Variants in TCF12 observed in about 807,000 individuals in gnomAD.
The protein encoded by TCF12 is DNA-binding protein HTF4.
TCF12 carries 45 observed loss-of-function variants against 86.0 expected under a neutral mutation model. The ratio of observed to expected loss-of-function variants is 0.52; its 90% confidence interval spans 0.41 to 0.67. The LOEUF (loss-of-function observed/expected upper bound fraction) is 0.67, where lower values mean the gene tolerates loss of function less well. Ranked by LOEUF, TCF12 falls within the 30% of genes least tolerant of loss-of-function variation. TCF12 has a pLI of 0.00. For synonymous variants in TCF12, 330 were observed against 299.6 expected, an observed-to-expected ratio of 1.10 and a Z score of -1.05; for missense variants, 881 against 859.9, an observed-to-expected ratio of 1.02 and a Z score of -0.31.
At chr15:56,995,328 A>G (rs1457671061) in intron 3 of TCF12, among the ~76,000 whole-genome samples, 1 of 112,280 alleles carries the variant, frequency 8.9e-6, no homozygotes, top group African/African-American at 3.5e-5. Context: ...GTTTTTTTCT[A>G]GTTCTGTGAG....
intron 8 of TCF12, among the ~76,000 whole-genome samples, chr15:57,222,788 TTTTTTTA>T (rs1173682733): frequency 3.7e-4 from 34 of 92,776 alleles, no homozygotes; most frequent in Admixed American, 7.2e-4. Context: ...TTTTTTTTTT[TTTTTTTA>T]CTTTTAAGAT....
At chr15:57,240,073 A>G (rs1331123425) in intron 12 of TCF12, among the ~76,000 whole-genome samples, 4 of 152,200 alleles carry the variant, frequency 2.6e-5, no homozygotes, top group African/African-American at 9.6e-5. Context: ...GAAGAGTAAA[A>G]TAGAGATGGA....
At chr15:57,122,445 A>T (rs376347607) in intron 5 of TCF12, among the ~76,000 whole-genome samples, 3 of 152,292 alleles carry the variant, frequency 2.0e-5, no homozygotes. Flanking sequence ...GCATTGTAAG[A>T]AGTGTTTATA....
At position 57,185,609 on chromosome 15, in the gene TCF12, C is replaced by A. The variant is rs115357746; in HGVS notation, c.391-6549C>A. ...ATCAAAATTGGTTCTTTAAAAATAT[C>A]AACAAGGTGACTCACACCTTAATTC... On this transcript the variant is annotated intron_variant, in intron 6 of 20. Coordinates refer to ENST00000333725, the MANE Select transcript of TCF12 (RefSeq NM_207037.2). 3.8e-3 allele frequency among the ~76,000 whole-genome samples: 576 copies of A among 152,214 alleles called. 4 individuals carry two copies. The highest frequency in any genetic ancestry group is 0.014 in the African/African-American group (562 of 41,536).
At chr15:57,144,478 A>G (rs1198539897) in intron 5 of TCF12, among the ~76,000 whole-genome samples, 1 of 152,246 alleles carries the variant, frequency 6.6e-6, no homozygotes, top group Non-Finnish European at 1.5e-5. Context: ...TTAATTACAT[A>G]AATTACTTAG....
chr15:57,263,127 A>T lies in TCF12; in HGVS notation c.1598A>T (p.Gln533Leu), dbSNP rs2060666200. ...TCTTTGTTAGGTGGCTTGCAAAGTC[A>T]GTCTGGAACTGTTGTTACAACAGAA... ...QENYRGGLQS[Q>L]SGTVVTTEIK... Residue 533 changes from glutamine (Q) to leucine (L), a missense_variant, in exon 18 of 21, where the codon CAG (glutamine) becomes CTG (leucine). Transcript: ENST00000333725. The T allele has an allele frequency of 6.3e-7, 1 of 1,595,734 alleles. No homozygotes were observed. Among genetic ancestry groups the T allele is most frequent in the Non-Finnish European group, 8.5e-7 (1 of 1,175,862 alleles).
chr15:57,221,455 A>C (rs1260362617), intron 8 of TCF12, among the ~76,000 whole-genome samples: 1 of 150,706 alleles, frequency 6.6e-6, no homozygotes, highest in East Asian at 1.9e-4. Flanking sequence ...AGGACCCTGA[A>C]CCAGACTAAC....
intron 8 of TCF12, among the ~76,000 whole-genome samples, chr15:57,227,900 G>T (rs979101698): frequency 1.3e-5 from 2 of 151,900 alleles, no homozygotes. Context: ...TTGACTCCTG[G>T]TAGATTTTAA....
At position 56,998,924 on chromosome 15, in the gene TCF12, C is replaced by T. The variant is rs565131510; in HGVS notation, c.149-64826C>T. ...TACTTAGAAATTAGACATGGCTGGG[C>T]GCGGTGGCTCATGCCTGTAATCCTA... On this transcript the variant is annotated intron_variant, in intron 3 of 20. Transcript: ENST00000333725. Among the ~76,000 whole-genome samples the T allele has an allele frequency of 2.6e-5, 4 of 152,142 alleles. No homozygotes were observed. The East Asian group carries it at 5.8e-4, about 22-fold the overall frequency.
intron 8 of TCF12, among the ~76,000 whole-genome samples, chr15:57,230,419 G>A (rs1484977919): frequency 6.6e-6 from 1 of 151,906 alleles, no homozygotes; most frequent in Admixed American, 6.6e-5. Context: ...GATCATTAAG[G>A]TTATTTGGCT....
chr15:57,119,064 A>C (rs1393866689), intron 5 of TCF12, among the ~76,000 whole-genome samples: 1 of 152,010 alleles, frequency 6.6e-6, no homozygotes, highest in Non-Finnish European at 1.5e-5. Flanking sequence ...ATGAAGGGCT[A>C]TTTATTTCAT....
In TCF12 at chr15:57,056,497, C is replaced by G. The variant is rs188139492; in HGVS notation, c.149-7253C>G. Among the ~76,000 whole-genome samples, 75 of 152,122 alleles carry G rather than the reference C, an allele frequency of 4.9e-4. 1 individual carries two copies. In the East Asian group the frequency reaches 0.013, roughly 26 times the overall value. On this transcript the variant is annotated intron_variant, in intron 3 of 20. Transcript: ENST00000333725. ...TTTATGAGAGAGAATCTCGTTCTGT[C>G]ACCAAAGCTGGAGTGCAGTGATGCA...
intron 3 of TCF12, among the ~76,000 whole-genome samples, chr15:56,951,108 T>A (rs546047677): frequency 6.6e-6 from 1 of 152,210 alleles, no homozygotes; most frequent in Admixed American, 6.5e-5. Flanking sequence ...ATGGTAGATA[T>A]ATCTTCAACT....
At chr15:56,978,016 G>C (rs1355099696) in intron 3 of TCF12, among the ~76,000 whole-genome samples, 1 of 152,104 alleles carries the variant, frequency 6.6e-6, no homozygotes, top group African/African-American at 2.4e-5. Flanking sequence ...AATTAAAAAA[G>C]ATAAAATATG....
rs780356128 is a variant in TCF12 at position 57,232,846 on chromosome 15, C to G, written c.960C>G (p.Asp320Glu). 2.6e-5 allele frequency: 42 copies of G among 1,590,838 alleles called. 1 individual carries two copies. In the South Asian group the frequency reaches 4.7e-4, roughly 18 times the overall value. The change falls in exon 11 of 21, where the codon GAC (aspartate) becomes GAG (glutamate). Residue 320 changes from aspartate (D) to glutamate (E), a missense_variant. Asp to Glu is a conservative substitution (Grantham distance 45). Around this residue, in one of 3 missense-constraint regions of TCF12, gnomAD observed 766 missense variants for 718.9 expected, o/e 1.07. Coordinates refer to ENST00000333725, the MANE Select transcript of TCF12 (RefSeq NM_207037.2). ...ASHTPPINGS[D>E]SILGTRGNAA... ...ACACTCCTCCCATCAATGGATCAGA[C>G]AGCATTCTAGGTGAGCTTTTTGAGT...
intron 4 of TCF12, among the ~76,000 whole-genome samples, chr15:57,087,896 C>A (rs890851526): frequency 4.6e-5 from 7 of 152,108 alleles, no homozygotes; most frequent in Non-Finnish European, 1.0e-4. Context: ...TGTATGTCAT[C>A]TCATGTATTA....
chr15:57,262,178 C>G lies in TCF12; in HGVS notation c.1552C>G (p.Leu518Val), dbSNP rs2093041674. The G allele has an allele frequency of 1.2e-6, 2 of 1,612,888 alleles. No homozygotes were observed. The highest frequency in any genetic ancestry group is 1.3e-5 in the African/African-American group (1 of 74,850). ...TACAGTCACTACTTCAAGCACAGACCTGAACCATAAAACACAAGAAAATTA... is the reference window on the plus strand; with the variant it reads ...TACAGTCACTACTTCAAGCACAGACGTGAACCATAAAACACAAGAAAATTA... ...SSTVTTSSTD[L>V]NHKTQENYRG... is the part of the protein sequence containing the mutation. The change falls in exon 17 of 21, where the codon CTG (leucine) becomes GTG (valine). Residue 518 changes from leucine to valine, a missense_variant. Physicochemically the swap from Leu to Val is conservative, Grantham distance 32 (BLOSUM62 1). Coordinates refer to ENST00000333725, the MANE Select transcript of TCF12 (RefSeq NM_207037.2).
Position 57,243,569 on chromosome 15 carries a change from T to G in TCF12, c.1114+19T>G, listed in dbSNP as rs771030291. On this transcript the variant is annotated intron_variant, in intron 13 of 20. Transcript: ENST00000333725. ...CTCACAGGTAGGCTTCTGTTTTATC[T>G]ACTTCTAACTGGTGGGACTACTTGG... The G allele has an allele frequency of 6.3e-7, 1 of 1,586,352 alleles. No individual in the cohort carries two copies. The highest frequency in any genetic ancestry group is 8.6e-7 in the Non-Finnish European group (1 of 1,157,138).
intron 4 of TCF12, among the ~76,000 whole-genome samples, chr15:57,071,625 CAAAACAA>C (rs1184146834): frequency 8.5e-5 from 13 of 152,146 alleles, no homozygotes; most frequent in Middle Eastern, 6.8e-3. Flanking sequence ...AACCCGATCT[CAAAACAA>C]AAAACAAAAA....
Sources: allele counts gnomAD v4.1 joint callset (sites outside exome capture counted in the v4.1 genomes callset), GRCh38; gene constraint gnomAD v4.1.1; regional missense constraint gnomAD v4.1.1; transcripts MANE v1.5; gene names NCBI Gene and HGNC (gene_info 2026-07-23, HGNC 2026-07-21).